The following RGP1 variants were observed in gnomAD, a reference collection of about 807,000 sequenced individuals.
RGP1 encodes RAB6A-GEF complex partner protein 2.
In RGP1, 28 loss-of-function variants were observed where a neutral mutation model predicts 44.5. That is an observed-to-expected ratio of 0.63 (90% confidence interval 0.47 to 0.86). The LOEUF (loss-of-function observed/expected upper bound fraction) is 0.86, where lower values mean the gene tolerates loss of function less well. RGP1 is among the 40% of genes least tolerant of loss of function. RGP1 has a pLI of 0.00. For missense variants in RGP1, 417 were observed against 490.7 expected, an observed-to-expected ratio of 0.85 and a Z score of 1.42; for synonymous variants, 212 against 196.7, an observed-to-expected ratio of 1.08 and a Z score of -0.65.
the RGP1 span, among the ~76,000 whole-genome samples, chr9:35,766,430 GC>G: frequency 6.6e-6 from 1 of 152,056 alleles, no homozygotes. Context: ...TTGGTGGCTT[GC>G]CTTTTTATTT....
the RGP1 span, among the ~76,000 whole-genome samples, chr9:35,771,560 G>T: frequency 6.6e-6 from 1 of 152,040 alleles, no homozygotes; most frequent in African/African-American, 2.4e-5. Context: ...CTTATTTCAG[G>T]ACCTAAATTT....
the RGP1 span, among the ~76,000 whole-genome samples, chr9:35,787,140 T>A: frequency 2.7e-5 from 4 of 149,250 alleles, no homozygotes; most frequent in Non-Finnish European, 5.9e-5. Context: ...TTAAAAAAAA[T>A]AAAAAAGAAA....
chr9:35,760,413 C>T (rs910132011), downstream of RGP1, among the ~76,000 whole-genome samples: 1 of 152,186 alleles, frequency 6.6e-6, no homozygotes, highest in Admixed American at 6.5e-5. Context: ...ATGATATTAT[C>T]TCAGATGTGA....
At chr9:35,751,562 G>A (rs1460648557) in intron 6 of RGP1, 65 bp from the exon 7 acceptor site, 3 of 1,607,984 alleles carry the variant, frequency 1.9e-6, no homozygotes, top group East Asian at 4.5e-5. Context: ...TTTGGCCTGT[G>A]GTGCCCAGTC....
the RGP1 span, among the ~76,000 whole-genome samples, chr9:35,785,362 G>A: frequency 6.6e-6 from 1 of 151,668 alleles, no homozygotes; most frequent in Non-Finnish European, 1.5e-5. Flanking sequence ...GTTTGAGAAT[G>A]AGGTGAAGGC....
the RGP1 span, among the ~76,000 whole-genome samples, chr9:35,774,842 T>G: frequency 6.6e-6 from 1 of 152,166 alleles, no homozygotes. Flanking sequence ...GTGTTTTTGG[T>G]TTTTATACAG....
At chr9:35,750,604 C>A in intron 3 of RGP1, 54 bp from the exon 4 acceptor site, 1 of 1,568,618 alleles carries the variant, frequency 6.4e-7, no homozygotes, top group Non-Finnish European at 8.8e-7. Flanking sequence ...CCGTGCTAGT[C>A]TTGTTCAGTA....
Position 35,755,037 on chromosome 9 carries a change from T to A in RGP1, c.*2163T>A, listed in dbSNP as rs752014564. On this transcript the variant is annotated 3_prime_UTR_variant, in exon 9 of 9. Transcript: ENST00000378078. ...ATGGAGTGAGGTTTTTAGGAATTTA[T>A]CATTTGGCATCCTCTGAGTTTCCCA... The A allele has an allele frequency of 6.6e-6, 1 of 152,232 alleles. No individual in the cohort carries two copies. The highest frequency in any genetic ancestry group is 1.5e-5 in the Non-Finnish European group (1 of 68,052). 9.4% of individuals were successfully genotyped at this position (152,232 alleles called of 1,614,324 possible).
chr9:35,764,859 C>A, the RGP1 span, among the ~76,000 whole-genome samples: 1 of 152,176 alleles, frequency 6.6e-6, no homozygotes, highest in Admixed American at 6.5e-5. Flanking sequence ...GGCACGATGG[C>A]TCACTCCTAT....
chr9:35,777,835 A>G, the RGP1 span, among the ~76,000 whole-genome samples: 1 of 152,228 alleles, frequency 6.6e-6, no homozygotes, highest in Non-Finnish European at 1.5e-5. Flanking sequence ...ATCTATTAAA[A>G]GAAATCCCAT....
Position 35,753,354 on chromosome 9 carries a change from T to C in RGP1, c.*480T>C. 1.3e-6 allele frequency: 2 copies of C among 1,512,072 alleles called. No individual in the cohort carries two copies. Among genetic ancestry groups the C allele is most frequent in the Admixed American group, 3.7e-5 (2 of 54,512 alleles). 93.7% of individuals were successfully genotyped at this position (1,512,072 alleles called of 1,614,324 possible). ...TTTATCCCTGCCCACATGTTCCCTC[T>C]CTCACAGTTTTCCCCCCACAGAGCC... On this transcript the variant is annotated 3_prime_UTR_variant, in exon 9 of 9. Coordinates refer to ENST00000378078, the MANE Select transcript of RGP1 (RefSeq NM_001080496.3). This position sits in a 1 kb window ranked among gnomAD's most constrained non-coding sequence, Gnocchi z 4.2.
chr9:35,782,559 G>GGAAT, the RGP1 span, among the ~76,000 whole-genome samples: 1 of 152,216 alleles, frequency 6.6e-6, no homozygotes, highest in African/African-American at 2.4e-5. Flanking sequence ...TGATTCTCCT[G>GGAAT]CTCAGTCTCC....
In RGP1 at chr9:35,749,373, C is replaced by T. The variant is rs1322596854; in HGVS notation, c.-55C>T. On this transcript the variant is annotated 5_prime_UTR_variant, in exon 1 of 9. Coordinates refer to ENST00000378078, the MANE Select transcript of RGP1 (RefSeq NM_001080496.3). The surrounding 1 kb of genome is among the most constrained non-coding windows in gnomAD (Gnocchi z 4.4). ...GTCCCTGAGGGGCGGGCAGATGAGG[C>T]CTAGGGGTGCCGATCCCTAGTGTCG... The T allele has an allele frequency of 7.4e-6, 4 of 543,766 alleles. No homozygotes were observed. Among genetic ancestry groups the T allele is most frequent in the African/African-American group, 5.7e-5 (3 of 52,316 alleles). The allele number at this position is 543,766 out of a possible 1,614,324, so 33.7% of individuals were successfully genotyped here.
the RGP1 span, among the ~76,000 whole-genome samples, chr9:35,768,117 T>A: frequency 6.7e-6 from 1 of 148,556 alleles, no homozygotes; most frequent in East Asian, 2.0e-4. Flanking sequence ...TTTTTTTTTT[T>A]CTTTAAGACA....
rs7046503 is a variant in RGP1 at position 35,756,910 on chromosome 9, A to C, written c.*4036A>C. 0.036 allele frequency: 5,482 copies of C among 152,842 alleles called. 311 individuals carry two copies. Among genetic ancestry groups the C allele is most frequent in the African/African-American group, 0.13 (5,214 of 41,508 alleles). 9.5% of individuals were successfully genotyped at this position (152,842 alleles called of 1,614,324 possible). A position where few individuals can be genotyped will look rare whatever the true frequency, so the allele number is the denominator to read the frequency against. ...AAGCTAGAGGCTGGGCTGAGCCAGG[A>C]GTCCTCTCCCAGAAGTTGGGGGGCG... is the stretch of plus-strand genomic sequence containing the variant. On this transcript the variant is annotated 3_prime_UTR_variant, in exon 9 of 9. Transcript: ENST00000378078.
chr9:35,766,645 A>G, the RGP1 span, among the ~76,000 whole-genome samples: 1 of 152,150 alleles, frequency 6.6e-6, no homozygotes, highest in African/African-American at 2.4e-5. Context: ...TTTTATGTCT[A>G]TGATCCATTT....
chr9:35,754,153 C>A lies in RGP1; in HGVS notation c.*1279C>A. On this transcript the variant is annotated 3_prime_UTR_variant, in exon 9 of 9. Coordinates refer to ENST00000378078, the MANE Select transcript of RGP1 (RefSeq NM_001080496.3). ...ATTGCTGCTGCACAGCCCTCTCAGA[C>A]CCTTCTTGGCCTCTGCTCAGCTACT... is the stretch of plus-strand genomic sequence containing the variant. 1 of 1,598,784 alleles carries A rather than the reference C, an allele frequency of 6.3e-7. No individual in the cohort carries two copies. Among genetic ancestry groups the A allele is most frequent in the Non-Finnish European group, 8.5e-7 (1 of 1,170,634 alleles).
At chr9:35,788,514 C>T in the RGP1 span, among the ~76,000 whole-genome samples, 7 of 150,726 alleles carry the variant, frequency 4.6e-5, no homozygotes, top group Admixed American at 1.3e-4. Context: ...TGCAGTGAGC[C>T]GAGATTGCGC....
At position 35,753,780 on chromosome 9, in the gene RGP1, C is replaced by T. The variant is rs367669559; in HGVS notation, c.*906C>T. On this transcript the variant is annotated 3_prime_UTR_variant, in exon 9 of 9. Coordinates refer to ENST00000378078, the MANE Select transcript of RGP1 (RefSeq NM_001080496.3). The surrounding 1 kb of genome is among the most constrained non-coding windows in gnomAD (Gnocchi z 4.2). Reference sequence around the variant, plus strand: ...ATAGTGACAGGGGGCTAGGGAAGAACGGGAAATGTTAGTAGGTGTAGGAGT... The same window carrying T: ...ATAGTGACAGGGGGCTAGGGAAGAATGGGAAATGTTAGTAGGTGTAGGAGT... 42 of 1,610,890 alleles carry T rather than the reference C, an allele frequency of 2.6e-5. No individual in the cohort carries two copies. The highest frequency in any genetic ancestry group is 5.0e-5 in the Admixed American group (3 of 59,972).
Sources: gnomAD v4.1 joint callset for allele counts (sites outside exome capture counted in the v4.1 genomes callset) on GRCh38, gnomAD v4.1.1 for gene constraint, Gnocchi (gnomAD v3.1) non-coding constraint, MANE v1.5 for transcripts, NCBI Gene and HGNC (gene_info 2026-07-23, HGNC 2026-07-21) for gene names.